Variants in AJAP1 observed in about 807,000 individuals in gnomAD.
AJAP1 encodes adherens junctions associated protein 1.
In AJAP1, 5 loss-of-function variants were observed where a neutral mutation model predicts 35.0. The observed-to-expected ratio is 0.14, with a 90% CI of 0.07 to 0.30. The LOEUF is 0.30. AJAP1 is among the 10% of genes least tolerant of loss of function. The pLI, the probability that AJAP1 is intolerant of heterozygous loss-of-function variation, is 1.00. For missense variants in AJAP1, 586 were observed against 571.0 expected, an observed-to-expected ratio of 1.03 and a Z score of -0.27; for synonymous variants, 284 against 249.3, an observed-to-expected ratio of 1.14 and a Z score of -1.31.
chr1:4,749,898 G>C (rs1346214279), intron 2 of AJAP1, among the ~76,000 whole-genome samples: 1 of 152,186 alleles, frequency 6.6e-6, no homozygotes, highest in African/African-American at 2.4e-5. Context: ...AAATGTGTGT[G>C]TGTTGGGTTT....
At chr1:4,737,407 A>G (rs1557633003) in intron 2 of AJAP1, among the ~76,000 whole-genome samples, 1 of 150,756 alleles carries the variant, frequency 6.6e-6, no homozygotes, top group Admixed American at 6.6e-5. Flanking sequence ...GTGGGGTGAG[A>G]TTTTTTTTTC....
At chr1:4,772,554 G>A (rs1316146166) in intron 4 of AJAP1, 29 bp downstream of exon 4, 3 of 1,606,688 alleles carry the variant, frequency 1.9e-6, no homozygotes, top group Admixed American at 3.3e-5. Flanking sequence ...AGACCCTGCA[G>A]CTGTGAAGCT....
intron 1 of AJAP1, among the ~76,000 whole-genome samples, chr1:4,663,133 T>G (rs1250029515): frequency 6.6e-6 from 1 of 152,120 alleles, no homozygotes; most frequent in Non-Finnish European, 1.5e-5. Flanking sequence ...TCATTTTGTT[T>G]TTATTTTATT....
In AJAP1 at chr1:4,655,459, G is replaced by A; in HGVS notation, c.29+5G>A. ...TCAACAGCTTTTAGGACTCAGGTGA[G>A]CGACCCGGCCGGCGCCGGGTGCGTG... is the stretch of plus-strand genomic sequence containing the variant. On this transcript the variant is annotated splice_donor_5th_base_variant and intron_variant, in intron 1 of 5. Transcript: ENST00000378191. This position sits in a 1 kb window ranked among gnomAD's most constrained non-coding sequence, Gnocchi z 6.9. 2 of 1,568,296 alleles carry A rather than the reference G, an allele frequency of 1.3e-6. No individual in the cohort carries two copies. Among genetic ancestry groups the A allele is most frequent in the Non-Finnish European group, 1.7e-6 (2 of 1,157,252 alleles).
At chr1:4,716,831 C>T (rs1319096104) in intron 2 of AJAP1, among the ~76,000 whole-genome samples, 1 of 152,128 alleles carries the variant, frequency 6.6e-6, no homozygotes, top group African/African-American at 2.4e-5. Context: ...GCTGCCACTA[C>T]CTTTACTGCT....
Position 4,747,329 on chromosome 1 carries a change from C to A in AJAP1, c.830-22524C>A, listed in dbSNP as rs531696894. 1.1e-4 allele frequency among the ~76,000 whole-genome samples: 16 copies of A among 152,304 alleles called. No individual in the cohort carries two copies. In the East Asian group the frequency reaches 2.9e-3, roughly 28 times the overall value. ...GTTCCCCGCTCCTCCAAATGCCATC[C>A]CCCCTCTCCACCTCACCCGGCCTCT... On this transcript the variant is annotated intron_variant, in intron 2 of 5. Transcript: ENST00000378191.
intron 1 of AJAP1, among the ~76,000 whole-genome samples, chr1:4,674,148 A>G (rs1266489413): frequency 6.6e-6 from 1 of 151,672 alleles, no homozygotes; most frequent in Non-Finnish European, 1.5e-5. Context: ...CCCGATTTCC[A>G]GAGACTGCAA....
chr1:4,667,472 G>A (rs1639155450), intron 1 of AJAP1, among the ~76,000 whole-genome samples: 1 of 152,178 alleles, frequency 6.6e-6, no homozygotes. Flanking sequence ...GACAGAGCGG[G>A]TGGATGGTTT....
chr1:4,723,369 A>C lies in AJAP1; in HGVS notation c.829+10670A>C, dbSNP rs1640568619. 6.6e-6 allele frequency among the ~76,000 whole-genome samples: 1 copy of C among 152,012 alleles called. No individual in the cohort carries two copies. Among genetic ancestry groups the C allele is most frequent in the Admixed American group, 6.6e-5 (1 of 15,260 alleles). The stretch of plus-strand genomic sequence containing the variant: ...GCAGCCCGGAGTAGAAGCTCAGCGG[A>C]GCCTCGGGTGTGTGGAAGGTCTGGA... On this transcript the variant is annotated intron_variant, in intron 2 of 5. Transcript: ENST00000378191. This position sits in a 1 kb window ranked among gnomAD's most constrained non-coding sequence, Gnocchi z 4.3.
At chr1:4,726,575 G>T (rs1227600563) in intron 2 of AJAP1, among the ~76,000 whole-genome samples, 2 of 152,100 alleles carry the variant, frequency 1.3e-5, no homozygotes, top group Non-Finnish European at 2.9e-5. Flanking sequence ...AACACCCAGA[G>T]AAGGTGAGTT....
intron 2 of AJAP1, among the ~76,000 whole-genome samples, chr1:4,752,350 G>C (rs1211166178): frequency 6.6e-6 from 1 of 152,098 alleles, no homozygotes; most frequent in Non-Finnish European, 1.5e-5. Flanking sequence ...AATGCAGAAG[G>C]TGAGGGATCT....
At position 4,785,936 on chromosome 1, in the gene AJAP1, C is replaced by G. The variant is rs1391732732; in HGVS notation, c.*3451C>G. 1 of 152,208 alleles carries G rather than the reference C, an allele frequency of 6.6e-6. No homozygotes were observed. Among genetic ancestry groups the G allele is most frequent in the Non-Finnish European group, 1.5e-5 (1 of 68,030 alleles). 9.4% of individuals were successfully genotyped at this position (152,208 alleles called of 1,614,324 possible). A position where few individuals can be genotyped will look rare whatever the true frequency, so the allele number is the denominator to read the frequency against. On this transcript the variant is annotated 3_prime_UTR_variant, in exon 6 of 6. Transcript: ENST00000378191. The stretch of plus-strand genomic sequence containing the variant: ...AAGCTTAGAAACAGCTGGGAATGCA[C>G]TCCTTGTACAGTCCAGTCCGTTTTC...
chr1:4,721,674 G>A (rs367572115), intron 2 of AJAP1, among the ~76,000 whole-genome samples: 45 of 152,310 alleles, frequency 3.0e-4, no homozygotes, highest in African/African-American at 1.0e-3. Context: ...TGTGTGGATA[G>A]GGGCTGCTGG....
intron 2 of AJAP1, among the ~76,000 whole-genome samples, chr1:4,769,548 A>G (rs1641784523): frequency 6.6e-6 from 1 of 152,186 alleles, no homozygotes; most frequent in Non-Finnish European, 1.5e-5. Context: ...GGCAGGTGCA[A>G]GAAAGAACAC....
intron 2 of AJAP1, 130 bp from the exon 3 acceptor site, chr1:4,769,721 CGA>C: frequency 1.3e-6 from 1 of 772,136 alleles, no homozygotes; most frequent in Non-Finnish European, 2.3e-6. Context: ...CATGCTGCCC[CGA>C]GTTCCCCGCT....
chr1:4,783,492 T>C lies in AJAP1; in HGVS notation c.*1007T>C, dbSNP rs1642108101. On this transcript the variant is annotated 3_prime_UTR_variant, in exon 6 of 6. Coordinates refer to ENST00000378191, the MANE Select transcript of AJAP1 (RefSeq NM_018836.4). The stretch of plus-strand genomic sequence containing the variant: ...GTGTGTATATATATATATATATATA[T>C]ATATATATATATATATATGTTTGTG... 1 of 136,184 alleles carries C rather than the reference T, an allele frequency of 7.3e-6. No homozygotes were observed. The highest frequency in any genetic ancestry group is 2.8e-5 in the African/African-American group (1 of 35,222). The allele number at this position is 136,184 out of a possible 1,614,324, so 8.4% of individuals were successfully genotyped here.
At chr1:4,686,648 T>C (rs111421938) in intron 1 of AJAP1, among the ~76,000 whole-genome samples, 1,824 of 152,328 alleles carry the variant, frequency 0.012, 45 homozygotes, top group African/African-American at 0.042. Context: ...CATTTCTCAC[T>C]GTTACTGTTC....
In AJAP1 at chr1:4,787,388, T is replaced by G. The variant is rs1570241824; in HGVS notation, c.*4903T>G. The G allele has an allele frequency of 1.2e-5, 3 of 250,820 alleles. No homozygotes were observed. Among genetic ancestry groups the G allele is most frequent in the Non-Finnish European group, 1.6e-5 (2 of 124,714 alleles). 15.5% of individuals were successfully genotyped at this position (250,820 alleles called of 1,614,324 possible). ...GAAGGGGAAGAAAGAGAGGCAGGGG[T>G]TGTCTACGTCTCCTCCTCCTGCGAC... On this transcript the variant is annotated 3_prime_UTR_variant, in exon 6 of 6. Transcript: ENST00000378191.
Position 4,792,520 on chromosome 1 carries a change from GAAAAA to G in AJAP1, c.*10045_*10049del, listed in dbSNP as rs5772183. On this transcript the variant is annotated 3_prime_UTR_variant, in exon 6 of 6. Coordinates refer to ENST00000378191, the MANE Select transcript of AJAP1 (RefSeq NM_018836.4). ...GCTATTAAAAAAAAAAACATAATAT[GAAAAA>G]AAAAAAAAAGAAGAGAAAAAAGAAT... The G allele has an allele frequency of 1.5e-5, 2 of 129,854 alleles. No individual in the cohort carries two copies. Among genetic ancestry groups the G allele is most frequent in the Non-Finnish European group, 3.2e-5 (2 of 62,712 alleles). 8.0% of individuals were successfully genotyped at this position (129,854 alleles called of 1,614,324 possible).
Sources: allele counts gnomAD v4.1 joint callset (sites outside exome capture counted in the v4.1 genomes callset), GRCh38; gene constraint gnomAD v4.1.1; non-coding constraint Gnocchi (gnomAD v3.1); transcripts MANE v1.5; gene names NCBI Gene and HGNC (gene_info 2026-07-23, HGNC 2026-07-21).